Variants in MAF observed in about 807,000 individuals in gnomAD.
The protein encoded by MAF is MAF bZIP transcription factor, also known as transcription factor Maf.
Under a neutral mutation model 22.0 loss-of-function variants are expected in MAF, and 10 were observed. The observed-to-expected ratio is 0.45, with a 90% CI of 0.28 to 0.77. The LOEUF (loss-of-function observed/expected upper bound fraction) is 0.77, where lower values mean the gene tolerates loss of function less well. MAF is among the 30% of genes least tolerant of loss of function. The pLI is 0.12. For synonymous variants in MAF, 337 were observed against 255.8 expected (o/e 1.32, Z -3.03); for missense variants, 544 against 548.4 (o/e 0.99, Z 0.08).
chr16:79,361,057 T>C, the MAF span, among the ~76,000 whole-genome samples: 13 of 152,322 alleles, frequency 8.5e-5, no homozygotes, highest in African/African-American at 3.1e-4. Flanking sequence ...CACTATTCCT[T>C]TGACACTATG....
the MAF span, among the ~76,000 whole-genome samples, chr16:79,433,567 C>T: frequency 6.6e-6 from 1 of 151,854 alleles, no homozygotes; most frequent in Admixed American, 6.6e-5. Context: ...GACAGAAGAA[C>T]TAGATGTAAG....
the MAF span, among the ~76,000 whole-genome samples, chr16:79,522,391 C>T: frequency 6.6e-6 from 1 of 152,194 alleles, no homozygotes; most frequent in Non-Finnish European, 1.5e-5. Context: ...CCCCACGCCC[C>T]ACCACCCCCA....
the MAF span, among the ~76,000 whole-genome samples, chr16:79,346,348 A>G: frequency 6.6e-5 from 10 of 152,190 alleles, no homozygotes; most frequent in African/African-American, 2.4e-4. Context: ...CCTACAAAGG[A>G]CAGGAACTCA....
At chr16:79,567,906 C>T in the MAF span, among the ~76,000 whole-genome samples, 2 of 152,214 alleles carry the variant, frequency 1.3e-5, no homozygotes, top group Non-Finnish European at 1.5e-5. Flanking sequence ...CGTCGCAGAG[C>T]TGAAAGTTAA....
the MAF span, among the ~76,000 whole-genome samples, chr16:79,354,499 T>A: frequency 1.8e-3 from 277 of 152,058 alleles, 4 homozygotes; most frequent in African/African-American, 6.3e-3. Flanking sequence ...GACTTCCCAG[T>A]AGAGGGGAGA....
At chr16:79,574,446 G>A in the MAF span, among the ~76,000 whole-genome samples, 1 of 152,182 alleles carries the variant, frequency 6.6e-6, no homozygotes, top group Non-Finnish European at 1.5e-5. Flanking sequence ...TCTGCAGAAT[G>A]TTTTTAAAAA....
the MAF span, among the ~76,000 whole-genome samples, chr16:79,231,262 C>T: frequency 6.6e-6 from 1 of 151,940 alleles, no homozygotes; most frequent in African/African-American, 2.4e-5. Flanking sequence ...GTTTAAGAAC[C>T]CGGGCTAGCA....
Position 79,599,933 on chromosome 16 carries a change from G to A in MAF, c.-31C>T, listed in dbSNP as rs2143821255. 1 of 1,335,716 alleles carries A rather than the reference G, an allele frequency of 7.5e-7. No individual in the cohort carries two copies. 82.7% of individuals were successfully genotyped at this position (1,335,716 alleles called of 1,614,324 possible). A position where few individuals can be genotyped will look rare whatever the true frequency, so the allele number is the denominator to read the frequency against. ...TGCCGCCGCCGCCGCCGCCGCCGCC[G>A]CTCCGCCAGATGGGCTGCAGGAGAG... On this transcript the variant is annotated 5_prime_UTR_variant, in exon 1 of 2. Coordinates refer to ENST00000326043, the MANE Select transcript of MAF (RefSeq NM_005360.5).
the MAF span, among the ~76,000 whole-genome samples, chr16:79,256,670 C>G: frequency 1.3e-5 from 2 of 152,288 alleles, no homozygotes; most frequent in East Asian, 1.9e-4. Context: ...AGTGGACCAT[C>G]CTTTCTGAGT....
chr16:79,597,511 A>G (rs879895944), intron 1 of MAF: 11 of 1,024,198 alleles, frequency 1.1e-5, no homozygotes, highest in African/African-American at 1.7e-5. Context: ...GAGTTCTTCA[A>G]TGTTTGCCAG....
the MAF span, among the ~76,000 whole-genome samples, chr16:79,410,566 G>A: frequency 6.6e-6 from 1 of 152,182 alleles, no homozygotes; most frequent in Admixed American, 6.5e-5. Flanking sequence ...TACAAAGTTA[G>A]ACAAGTCCCT....
chr16:79,566,361 G>A, the MAF span, among the ~76,000 whole-genome samples: 15,294 of 152,216 alleles, frequency 0.1, 834 homozygotes, highest in Non-Finnish European at 0.11. Flanking sequence ...GGAGGGGCCT[G>A]GGCTGGGATT....
At chr16:79,480,176 G>A in the MAF span, among the ~76,000 whole-genome samples, 13 of 152,180 alleles carry the variant, frequency 8.5e-5, no homozygotes, top group East Asian at 2.1e-3. Context: ...CAGTAAACGC[G>A]TGAGTATCCA....
At chr16:79,560,633 A>C in the MAF span, among the ~76,000 whole-genome samples, 1 of 152,078 alleles carries the variant, frequency 6.6e-6, no homozygotes, top group Admixed American at 6.5e-5. Context: ...CATTTTCCAT[A>C]AGATACTCAC....
At chr16:79,361,774 G>A in the MAF span, among the ~76,000 whole-genome samples, 1 of 151,930 alleles carries the variant, frequency 6.6e-6, no homozygotes, top group Non-Finnish European at 1.5e-5. Context: ...AGCTGACATT[G>A]TTTTGATTTT....
the MAF span, among the ~76,000 whole-genome samples, chr16:79,517,576 T>C: frequency 1.0e-3 from 100 of 95,414 alleles, no homozygotes; most frequent in Admixed American, 1.2e-3. Flanking sequence ...GTCTTTTTTT[T>C]TTTTTTTTTT....
At chr16:79,372,058 G>T in the MAF span, among the ~76,000 whole-genome samples, 4 of 149,504 alleles carry the variant, frequency 2.7e-5, no homozygotes, top group Admixed American at 6.8e-5. Flanking sequence ...TGGTTAAAAG[G>T]GAGAGGAATT....
the MAF span, among the ~76,000 whole-genome samples, chr16:79,391,105 T>C: frequency 4.7e-4 from 72 of 152,264 alleles, 1 homozygote; most frequent in African/African-American, 1.6e-3. Context: ...TCCATCATCA[T>C]AGCACATTGC....
chr16:79,312,208 A>G, the MAF span, among the ~76,000 whole-genome samples: 4 of 152,284 alleles, frequency 2.6e-5, no homozygotes, highest in South Asian at 8.3e-4. Flanking sequence ...GTAAAAGTTG[A>G]CATTCCTCCA....
Sources: allele counts gnomAD v4.1 joint callset (sites outside exome capture counted in the v4.1 genomes callset), GRCh38; gene constraint gnomAD v4.1.1; transcripts MANE v1.5; gene names NCBI Gene and HGNC (gene_info 2026-07-23, HGNC 2026-07-21).